Variants in MSR1 observed in about 807,000 individuals in gnomAD.
The protein encoded by MSR1 is macrophage scavenger receptor 1.
MSR1 carries 53 observed loss-of-function variants against 47.2 expected under a neutral mutation model. The ratio of observed to expected loss-of-function variants is 1.12; its 90% CI spans 0.90 to 1.41. The LOEUF is 1.41. Ranked by LOEUF, MSR1 falls within the 40% of genes most tolerant of loss-of-function variation. The pLI is 0.00. For missense variants in MSR1, 786 were observed against 546.9 expected (o/e 1.44, Z -4.36); for synonymous variants, 239 against 185.6 (o/e 1.29, Z -2.34).
At chr8:16,180,558 T>TTCTGATCA (rs1409513863) in intron 1 of MSR1, among the ~76,000 whole-genome samples, 1 of 152,198 alleles carries the variant, frequency 6.6e-6, no homozygotes, top group African/African-American at 2.4e-5. Flanking sequence ...AGCCAACATC[T>TTCTGATCA]TCTGATCATT....
chr8:16,176,512 G>GA (rs201669327), intron 2 of MSR1, among the ~76,000 whole-genome samples: 13,232 of 93,694 alleles, frequency 0.14, 884 homozygotes, highest in East Asian at 0.38. Flanking sequence ...GTCTCAAAAA[G>GA]AAAAAAAAAA....
rs144493335 is a variant in MSR1 at position 16,108,429 on chromosome 8, T to C, written c.*1656A>G. 1.7e-3 allele frequency: 256 copies of C among 151,946 alleles called. No homozygotes were observed. Among genetic ancestry groups the C allele is most frequent in the African/African-American group, 5.9e-3 (246 of 41,454 alleles). The allele number at this position is 151,946 out of a possible 1,614,324, so 9.4% of individuals were successfully genotyped here. ...GTAGTAAATCAGCATACATATACCA[T>C]ACAGCAATACAGTATTAACAACCCA... On this transcript the variant is annotated 3_prime_UTR_variant, in exon 10 of 10. Transcript: ENST00000262101.
chr8:16,113,149 C>T (rs1296737913), intron 9 of MSR1, among the ~76,000 whole-genome samples: 1 of 151,650 alleles, frequency 6.6e-6, no homozygotes, highest in Non-Finnish European at 1.5e-5. Context: ...GGGGTTTCAC[C>T]ATGTTGGCCA....
chr8:16,176,524 A>T (rs1801652903), intron 2 of MSR1, among the ~76,000 whole-genome samples: 1 of 151,754 alleles, frequency 6.6e-6, no homozygotes, highest in Non-Finnish European at 1.5e-5. Context: ...AAAAAAAAAA[A>T]AGGAAAAGAG....
At chr8:16,150,844 A>G (rs1418678037) in intron 6 of MSR1, among the ~76,000 whole-genome samples, 3 of 91,406 alleles carry the variant, frequency 3.3e-5, no homozygotes, top group Non-Finnish European at 6.8e-5. Context: ...AAATAAACAT[A>G]AACATAAACA....
intron 7 of MSR1, among the ~76,000 whole-genome samples, chr8:16,148,727 T>G (rs542384450): frequency 5.5e-4 from 78 of 140,782 alleles, no homozygotes; most frequent in African/African-American, 2.4e-3. Flanking sequence ...CCAAAAGTGC[T>G]ACGATTACAG....
intron 8 of MSR1, among the ~76,000 whole-genome samples, chr8:16,137,543 T>C (rs149751970): frequency 2.2e-4 from 33 of 152,250 alleles, no homozygotes; most frequent in African/African-American, 2.9e-4. Context: ...TGTGGGAATA[T>C]TGAATGGAGT....
At chr8:16,153,219 A>G (rs1800909067) in intron 6 of MSR1, among the ~76,000 whole-genome samples, 1 of 152,034 alleles carries the variant, frequency 6.6e-6, no homozygotes. Flanking sequence ...AGAAAGCAGA[A>G]TTAGTATGAT....
chr8:16,126,081 G>A (rs1298153742), intron 8 of MSR1, among the ~76,000 whole-genome samples: 1 of 151,884 alleles, frequency 6.6e-6, no homozygotes, highest in Non-Finnish European at 1.5e-5. Flanking sequence ...TTTATTTAAA[G>A]AAGGAAACAA....
chr8:16,177,338 C>T (rs34884195), intron 2 of MSR1, among the ~76,000 whole-genome samples: 1 of 151,862 alleles, frequency 6.6e-6, no homozygotes, highest in African/African-American at 2.4e-5. Context: ...AGAGAGAAGA[C>T]CATACGAAGA....
chr8:16,159,324 T>C (rs1169788441), intron 5 of MSR1, among the ~76,000 whole-genome samples: 1 of 152,008 alleles, frequency 6.6e-6, no homozygotes, highest in Non-Finnish European at 1.5e-5. Flanking sequence ...AATACCTTTC[T>C]CTAGAGTTCA....
At chr8:16,126,141 A>G (rs1012519885) in intron 8 of MSR1, among the ~76,000 whole-genome samples, 3 of 152,196 alleles carry the variant, frequency 2.0e-5, no homozygotes, top group African/African-American at 7.2e-5. Flanking sequence ...TGCACAAATT[A>G]TTTAAAGTGT....
intron 8 of MSR1, among the ~76,000 whole-genome samples, chr8:16,126,360 C>T (rs1330304073): frequency 6.6e-6 from 1 of 152,018 alleles, no homozygotes; most frequent in African/African-American, 2.4e-5. Context: ...ATTGTTTACT[C>T]ATAGTCATGA....
At chr8:16,165,581 A>C (rs549373214) in intron 4 of MSR1, among the ~76,000 whole-genome samples, 42 of 151,978 alleles carry the variant, frequency 2.8e-4, no homozygotes, top group African/African-American at 9.9e-4. Context: ...TGTATTAAGT[A>C]CTCCTATGTT....
In MSR1 at chr8:16,108,868, A is replaced by G. The variant is rs1285186716; in HGVS notation, c.*1217T>C. On this transcript the variant is annotated 3_prime_UTR_variant, in exon 10 of 10. Coordinates refer to ENST00000262101, the MANE Select transcript of MSR1 (RefSeq NM_138715.3). ...TGCTTTCATTTGCCACTATTAAAGA[A>G]AGAACAGTAGAGTAATTCCATAATA... The G allele has an allele frequency of 6.6e-6, 1 of 152,160 alleles. No individual in the cohort carries two copies. The highest frequency in any genetic ancestry group is 2.4e-5 in the African/African-American group (1 of 41,448). The allele number at this position is 152,160 out of a possible 1,614,324, so 9.4% of individuals were successfully genotyped here.
At chr8:16,165,677 A>G (rs191900069) in intron 4 of MSR1, among the ~76,000 whole-genome samples, 19 of 152,288 alleles carry the variant, frequency 1.2e-4, no homozygotes. Flanking sequence ...AGTAAAAAGA[A>G]TATTACACTC....
chr8:16,156,977 C>A (rs1302620404), intron 5 of MSR1, among the ~76,000 whole-genome samples: 5 of 151,892 alleles, frequency 3.3e-5, no homozygotes, highest in Non-Finnish European at 5.9e-5. Context: ...AGCAATGAAT[C>A]CCAGGGGAGG....
At chr8:16,173,236 G>T in intron 3 of MSR1, among the ~76,000 whole-genome samples, 1 of 152,044 alleles carries the variant, frequency 6.6e-6, no homozygotes, top group East Asian at 1.9e-4. Flanking sequence ...CTAATAGCTC[G>T]GGGACTTTGA....
intron 1 of MSR1, among the ~76,000 whole-genome samples, chr8:16,188,695 T>C (rs1802071942): frequency 6.6e-6 from 1 of 151,956 alleles, no homozygotes; most frequent in African/African-American, 2.4e-5. Context: ...CGGTGTGTGA[T>C]GCTCCCCTCC....
Sources: gnomAD v4.1 joint callset for allele counts (sites outside exome capture counted in the v4.1 genomes callset) on GRCh38, gnomAD v4.1.1 for gene constraint, MANE v1.5 for transcripts, NCBI Gene and HGNC (gene_info 2026-07-23, HGNC 2026-07-21) for gene names.